STIM1: variants seen among roughly 807,000 people sequenced by gnomAD.
STIM1 encodes the protein stromal interaction molecule 1.
In STIM1, 25 loss-of-function variants were observed where a neutral mutation model predicts 74.7. The ratio of observed to expected loss-of-function variants is 0.33; its 90% CI spans 0.24 to 0.47. The LOEUF is 0.47. Among genes scored for constraint, STIM1 ranks in the 20% least tolerant of loss-of-function variants. The probability of loss-of-function intolerance (pLI) is 1.00; values close to 1 mark genes in which losing one functional copy is unlikely to be tolerated. For missense variants in STIM1, 728 were observed against 920.8 expected (o/e 0.79, Z 2.71); for synonymous variants, 328 against 348.8 (o/e 0.94, Z 0.66).
chr11:3,982,831 G>A (rs2093519622), intron 2 of STIM1, among the ~76,000 whole-genome samples: 1 of 152,016 alleles, frequency 6.6e-6, no homozygotes, highest in South Asian at 2.1e-4. Flanking sequence ...GGTTGGAGTG[G>A]TGGTCACCTT....
intron 2 of STIM1, among the ~76,000 whole-genome samples, chr11:4,009,941 T>C (rs577404110): frequency 6.6e-6 from 1 of 152,260 alleles, no homozygotes; most frequent in East Asian, 1.9e-4. Context: ...GCCTCCCAAG[T>C]AGTTGGGACC....
chr11:3,855,251 G>A (rs2090317886), upstream of STIM1: 1 of 152,358 alleles, frequency 6.6e-6, no homozygotes, highest in African/African-American at 2.4e-5. Context: ...GTCGTGTCCT[G>A]GGCCTCTGTT....
At chr11:4,043,354 C>T (rs553249113) in intron 3 of STIM1, among the ~76,000 whole-genome samples, 106 of 152,254 alleles carry the variant, frequency 7.0e-4, no homozygotes, top group African/African-American at 2.4e-3. Flanking sequence ...GCTAACTGGA[C>T]ACCAGTTTCT....
intron 12 of STIM1, among the ~76,000 whole-genome samples, chr11:4,090,202 G>T (rs2094515867): frequency 6.6e-6 from 1 of 152,118 alleles, no homozygotes; most frequent in African/African-American, 2.4e-5. Context: ...CAAGTGCTTT[G>T]CCAGCATATT....
chr11:3,987,437 T>G (rs73429610), intron 2 of STIM1, among the ~76,000 whole-genome samples: 2,143 of 152,168 alleles, frequency 0.014, 52 homozygotes, highest in African/African-American at 0.049. Flanking sequence ...CAGTTAAGAG[T>G]GGAAAACTTT....
Position 3,968,405 on chromosome 11 carries a change from A to C in STIM1, c.270+723A>C, listed in dbSNP as rs370495206. Among the ~76,000 whole-genome samples, 25 of 152,280 alleles carry C rather than the reference A, an allele frequency of 1.6e-4. No homozygotes were observed. The South Asian group carries it at 3.5e-3, about 21-fold the overall frequency. On this transcript the variant is annotated intron_variant, in intron 2 of 12. Coordinates refer to ENST00000526596, the MANE Select transcript of STIM1 (RefSeq NM_001382567.1). ...CCAAATCTTCAATAGTGATGTAGTT[A>C]TATCACGATGGGGGAGATATCCCCA...
At chr11:3,920,439 A>G (rs958873337) in intron 1 of STIM1, among the ~76,000 whole-genome samples, 5 of 152,188 alleles carry the variant, frequency 3.3e-5, no homozygotes, top group Admixed American at 1.3e-4. Context: ...TGAACATTTC[A>G]TATAAATGGA....
chr11:3,895,412 G>A (rs1303308029), intron 1 of STIM1, among the ~76,000 whole-genome samples: 4 of 152,048 alleles, frequency 2.6e-5, no homozygotes, highest in African/African-American at 7.2e-5. Context: ...TTTAAAAGCC[G>A]GATAGGTGGA....
chr11:4,041,308 A>T (rs758315235), intron 3 of STIM1, among the ~76,000 whole-genome samples: 1 of 152,202 alleles, frequency 6.6e-6, no homozygotes. Flanking sequence ...GAGTTCATGC[A>T]TATTCACCTC....
In STIM1 at chr11:3,986,609, T is replaced by C. The variant is rs2093560402; in HGVS notation, c.270+18927T>C. ...CAGAGGAGGTGAAGTTGGAACTTGG[T>C]TTTTAAAGATGAGCAGGAGTTTACT... On this transcript the variant is annotated intron_variant, in intron 2 of 12. Transcript: ENST00000526596. Among the ~76,000 whole-genome samples, 3 of 151,978 alleles carry C rather than the reference T, an allele frequency of 2.0e-5. No individual in the cohort carries two copies. In the South Asian group the frequency reaches 6.2e-4, roughly 32 times the overall value.
At chr11:3,867,155 C>T (rs1463447381) in intron 1 of STIM1, 1 of 152,184 alleles carries the variant, frequency 6.6e-6, no homozygotes. Context: ...GGTGAGTTTT[C>T]TGAGGAGTTC....
intron 3 of STIM1, among the ~76,000 whole-genome samples, chr11:4,033,962 G>A (rs1156535774): frequency 2.0e-5 from 3 of 151,872 alleles, no homozygotes; most frequent in African/African-American, 7.3e-5. Flanking sequence ...CAGATGCGGT[G>A]GCTTATGCCT....
intron 1 of STIM1, among the ~76,000 whole-genome samples, chr11:3,939,810 CTGAG>C (rs1008460084): frequency 2.2e-4 from 33 of 152,280 alleles, no homozygotes; most frequent in African/African-American, 7.7e-4. Context: ...CCCTATTCTT[CTGAG>C]CTGCCTGGGG....
chr11:4,000,199 A>C (rs1397164935), intron 2 of STIM1, among the ~76,000 whole-genome samples: 1 of 124,130 alleles, frequency 8.1e-6, no homozygotes, highest in Admixed American at 8.7e-5. Flanking sequence ...CTGCAGACTT[A>C]AATGTGCCTG....
At chr11:3,873,552 C>T (rs1429890881) in intron 1 of STIM1, among the ~76,000 whole-genome samples, 5 of 151,810 alleles carry the variant, frequency 3.3e-5, no homozygotes, top group Admixed American at 1.3e-4. Context: ...CAGGTGTGAG[C>T]TACTGTGTCT....
At chr11:3,888,536 G>C (rs10160415) in intron 1 of STIM1, among the ~76,000 whole-genome samples, 39,111 of 151,926 alleles carry the variant, frequency 0.26, 5,738 homozygotes, top group South Asian at 0.4. Context: ...TTGCCATATA[G>C]TCTTTTTTTT....
intron 3 of STIM1, among the ~76,000 whole-genome samples, chr11:4,032,990 G>A (rs2094064463): frequency 6.6e-6 from 1 of 152,056 alleles, no homozygotes; most frequent in East Asian, 1.9e-4. Flanking sequence ...TATGGTTTTA[G>A]GTCTAACGTT....
At chr11:4,049,586 C>T (rs898526000) in intron 3 of STIM1, 2 of 152,114 alleles carry the variant, frequency 1.3e-5, no homozygotes, top group African/African-American at 4.8e-5. Context: ...GCCTCAGTCT[C>T]CCAAAGTGCT....
intron 2 of STIM1, among the ~76,000 whole-genome samples, chr11:4,008,664 C>T (rs368637296): frequency 2.2e-4 from 34 of 152,276 alleles, no homozygotes; most frequent in South Asian, 8.3e-4. Context: ...CTGGATAGGA[C>T]GCCATTTCAT....
Sources: gnomAD v4.1 joint callset for allele counts (sites outside exome capture counted in the v4.1 genomes callset) on GRCh38, gnomAD v4.1.1 for gene constraint, MANE v1.5 for transcripts, NCBI Gene and HGNC (gene_info 2026-07-23, HGNC 2026-07-21) for gene names.